GPD2: variants seen among roughly 807,000 people sequenced by gnomAD.
GPD2 encodes the protein glycerol-3-phosphate dehydrogenase, mitochondrial.
A neutral mutation model predicts 82.4 loss-of-function variants in GPD2; 54 were observed. That is an observed-to-expected ratio of 0.66 (90% CI 0.53 to 0.82). The LOEUF (loss-of-function observed/expected upper bound fraction) is 0.82. Among genes scored for constraint, GPD2 ranks in the 40% least tolerant of loss-of-function variants. GPD2 has a pLI of 0.00. For missense variants in GPD2, 748 were observed against 896.2 expected (o/e 0.83, Z 2.11); for synonymous variants, 288 against 306.1 (o/e 0.94, Z 0.62).
chr2:156,456,332 G>T (rs1326009914), intron 1 of GPD2, among the ~76,000 whole-genome samples: 1 of 152,098 alleles, frequency 6.6e-6, no homozygotes. Context: ...GGCCAGGCGC[G>T]GTGGCTCACA....
intron 3 of GPD2, among the ~76,000 whole-genome samples, chr2:156,508,600 CCT>C (rs531896170): frequency 5.0e-4 from 76 of 152,260 alleles, no homozygotes; most frequent in African/African-American, 1.7e-3. Context: ...TGTTTCCCTG[CCT>C]CTCATGGTGT....
chr2:156,459,377 C>G (rs1255944145), intron 1 of GPD2, among the ~76,000 whole-genome samples: 1 of 151,896 alleles, frequency 6.6e-6, no homozygotes, highest in Non-Finnish European at 1.5e-5. Flanking sequence ...GGTTATGGGT[C>G]CAGCAGTACC....
chr2:156,532,071 C>T (rs1322572663), intron 6 of GPD2, among the ~76,000 whole-genome samples: 1 of 152,138 alleles, frequency 6.6e-6, no homozygotes, highest in Non-Finnish European at 1.5e-5. Flanking sequence ...GGAGTGATCA[C>T]AACTCACTGC....
At chr2:156,432,982 A>G (rs1317797309), upstream of GPD2, among the ~76,000 whole-genome samples, 1 of 152,034 alleles carries the variant, frequency 6.6e-6, no homozygotes, top group Non-Finnish European at 1.5e-5. Flanking sequence ...CTGGGCCCCA[A>G]ATTTGGCAAG....
chr2:156,571,570 G>A (rs1687642148), intron 13 of GPD2, among the ~76,000 whole-genome samples: 1 of 152,060 alleles, frequency 6.6e-6, no homozygotes, highest in African/African-American at 2.4e-5. Flanking sequence ...AACCTTTTCT[G>A]GTTTTCATTG....
At chr2:156,426,309 G>A in the GPD2 span, among the ~76,000 whole-genome samples, 2 of 152,332 alleles carry the variant, frequency 1.3e-5, no homozygotes, top group East Asian at 3.9e-4. Flanking sequence ...TACAATCACG[G>A]CAGAAGGTGA....
chr2:156,426,873 G>T, the GPD2 span, among the ~76,000 whole-genome samples: 1 of 152,178 alleles, frequency 6.6e-6, no homozygotes, highest in Non-Finnish European at 1.5e-5. Flanking sequence ...GCAGTCAAGG[G>T]TTTTTGTTAT....
the GPD2 span, among the ~76,000 whole-genome samples, chr2:156,419,235 T>A: frequency 2.0e-5 from 3 of 151,824 alleles, no homozygotes; most frequent in Non-Finnish European, 4.4e-5. Context: ...AATTTTGTAT[T>A]TTTAGTAGAG....
chr2:156,407,266 A>G, the GPD2 span, among the ~76,000 whole-genome samples: 28 of 152,282 alleles, frequency 1.8e-4, no homozygotes, highest in African/African-American at 6.0e-4. Context: ...AAATATTTCT[A>G]TGTGGATATA....
Position 156,585,601 on chromosome 2 carries a change from G to A in GPD2, c.*2683G>A, listed in dbSNP as rs1441009657. Reference sequence around the variant, plus strand: ...TTAGGATTTCTGCTATTAAATGCATGCTCTCTATCCTGCTTCAGTTTCTGG... The same window carrying A: ...TTAGGATTTCTGCTATTAAATGCATACTCTCTATCCTGCTTCAGTTTCTGG... On this transcript the variant is annotated 3_prime_UTR_variant, in exon 17 of 17. Transcript: ENST00000438166. 1.3e-5 allele frequency: 2 copies of A among 152,446 alleles called. No individual in the cohort carries two copies. The highest frequency in any genetic ancestry group is 3.9e-4 in the East Asian group (2 of 5,150). 9.4% of individuals were successfully genotyped at this position (152,446 alleles called of 1,614,324 possible).
At chr2:156,411,631 C>A in the GPD2 span, among the ~76,000 whole-genome samples, 1 of 152,020 alleles carries the variant, frequency 6.6e-6, no homozygotes, top group East Asian at 1.9e-4. Flanking sequence ...AATATAAATT[C>A]TGTATATTAA....
chr2:156,407,217 A>G, the GPD2 span, among the ~76,000 whole-genome samples: 2 of 152,190 alleles, frequency 1.3e-5, no homozygotes, highest in African/African-American at 2.4e-5. Context: ...CCTTTCCTAG[A>G]GGAAACCATT....
chr2:156,471,631 A>C (rs988666621), intron 1 of GPD2, among the ~76,000 whole-genome samples: 5 of 151,736 alleles, frequency 3.3e-5, no homozygotes, highest in Non-Finnish European at 5.9e-5. Context: ...TCCCCTCCAA[A>C]TTTTTTCCCC....
the GPD2 span, among the ~76,000 whole-genome samples, chr2:156,410,913 G>A: frequency 1.3e-5 from 2 of 152,022 alleles, no homozygotes; most frequent in Admixed American, 6.6e-5. Context: ...CTGGTAAAAG[G>A]AACACTCCAT....
the GPD2 span, among the ~76,000 whole-genome samples, chr2:156,404,949 A>G: frequency 1.2e-4 from 18 of 152,276 alleles, no homozygotes; most frequent in Admixed American, 1.0e-3. Flanking sequence ...AATTTTTAGG[A>G]CACATTCCCA....
chr2:156,438,008 T>TA (rs767167657), intron 1 of GPD2, among the ~76,000 whole-genome samples: 20 of 152,338 alleles, frequency 1.3e-4, no homozygotes, highest in Admixed American at 2.6e-4. Context: ...TCTATGAGAG[T>TA]AGCAGGGCTT....
chr2:156,498,443 A>T (rs1401043670), intron 3 of GPD2, among the ~76,000 whole-genome samples: 8 of 152,206 alleles, frequency 5.3e-5, no homozygotes, highest in African/African-American at 1.9e-4. Context: ...TAACATTTTA[A>T]TAGGCAAACA....
chr2:156,561,039 G>GTTTTTTTTTT (rs1491213527), intron 9 of GPD2, among the ~76,000 whole-genome samples: 12 of 19,520 alleles, frequency 6.1e-4, no homozygotes, highest in South Asian at 1.7e-3. Flanking sequence ...GTGACATTAA[G>GTTTTTTTTTT]CTTTTTTTTT....
At chr2:156,513,290 A>G (rs774499001) in intron 5 of GPD2, 43 bp from the exon 6 acceptor site, 2 of 1,350,240 alleles carry the variant, frequency 1.5e-6, no homozygotes, top group African/African-American at 2.9e-5. Context: ...CTATAATGCT[A>G]TACTCTGTTT....
Sources: allele counts gnomAD v4.1 joint callset (sites outside exome capture counted in the v4.1 genomes callset), GRCh38; gene constraint gnomAD v4.1.1; transcripts MANE v1.5; gene names NCBI Gene and HGNC (gene_info 2026-07-23, HGNC 2026-07-21).